The following AFAP1L1 variants were observed in gnomAD, a reference collection of about 807,000 sequenced individuals.
The protein encoded by AFAP1L1 is actin filament associated protein 1 like 1, also known as actin filament-associated protein 1-like 1.
Under a neutral mutation model 99.8 loss-of-function variants are expected in AFAP1L1, and 77 were observed. The observed-to-expected ratio is 0.77, with a 90% CI of 0.64 to 0.93. AFAP1L1 has a LOEUF of 0.93. Ranked by LOEUF, AFAP1L1 falls within the 40% of genes least tolerant of loss-of-function variation. The pLI, the probability that AFAP1L1 is intolerant of heterozygous loss-of-function variation, is 0.00. For missense variants in AFAP1L1, 893 were observed against 996.8 expected (o/e 0.90, Z 1.40); for synonymous variants, 373 against 395.3 (o/e 0.94, Z 0.67).
chr5:149,319,520 A>G (rs942178683), intron 12 of AFAP1L1, 62 bp from the exon 13 acceptor site: 16 of 1,531,500 alleles, frequency 1.0e-5, no homozygotes, highest in African/African-American at 2.8e-5. Context: ...GCTGAAGTCA[A>G]CAGGTCTCCA....
chr5:149,328,283 G>A lies in AFAP1L1; in HGVS notation c.1811-1383G>A, dbSNP rs180767658. ...TAAACTGCAGGAATTATTCTGCACC[G>A]ACTTATATAAAGCTGTGTGCGCCTC... On this transcript the variant is annotated intron_variant, in intron 15 of 18. Transcript: ENST00000296721. Among the ~76,000 whole-genome samples the A allele has an allele frequency of 8.5e-5, 13 of 152,152 alleles. No homozygotes were observed. The East Asian group carries it at 1.2e-3, about 14-fold the overall frequency.
chr5:149,335,751 T>C, intron 18 of AFAP1L1, 29 bp downstream of exon 18: 1 of 1,604,044 alleles, frequency 6.2e-7, no homozygotes, highest in African/African-American at 1.3e-5. Context: ...TCCTCAAAAA[T>C]CAGAGATCTG....
intron 2 of AFAP1L1, 121 bp from the exon 3 acceptor site, chr5:149,300,150 G>A: frequency 1.6e-6 from 1 of 624,694 alleles, no homozygotes; most frequent in South Asian, 2.4e-5. Flanking sequence ...AAATAATTTA[G>A]GACTTGAATG....
intron 1 of AFAP1L1, among the ~76,000 whole-genome samples, chr5:149,281,452 C>T (rs1755517623): frequency 6.6e-6 from 1 of 152,222 alleles, no homozygotes; most frequent in Non-Finnish European, 1.5e-5. Flanking sequence ...CACCACCCTC[C>T]TCAGACTGGG....
At chr5:149,308,953 G>A (rs1756524051) in intron 7 of AFAP1L1, among the ~76,000 whole-genome samples, 2 of 151,352 alleles carry the variant, frequency 1.3e-5, no homozygotes, top group Admixed American at 1.3e-4. Flanking sequence ...AAAAACCAAT[G>A]TTTTTTAATT....
intron 1 of AFAP1L1, among the ~76,000 whole-genome samples, chr5:149,283,493 A>AT (rs1183655629): frequency 6.6e-6 from 1 of 152,214 alleles, no homozygotes; most frequent in Non-Finnish European, 1.5e-5. Flanking sequence ...TATTTCATTG[A>AT]TACAAAGATT....
intron 9 of AFAP1L1, among the ~76,000 whole-genome samples, chr5:149,314,848 A>T (rs1008050134): frequency 5.9e-5 from 9 of 152,206 alleles, no homozygotes; most frequent in African/African-American, 2.2e-4. Context: ...AAGTGGGTGG[A>T]TGTCATTTAA....
At position 149,329,813 on chromosome 5, in the gene AFAP1L1, C is replaced by G; in HGVS notation, c.1958C>G (p.Ala653Gly). The G allele has an allele frequency of 6.2e-7, 1 of 1,611,304 alleles. No homozygotes were observed. Among genetic ancestry groups the G allele is most frequent in the Non-Finnish European group, 8.5e-7 (1 of 1,178,696 alleles). ...LRQEKRELKE[A>G]IRSSPGAKLK... The stretch of plus-strand genomic sequence containing the variant: ...CAGGAGAAGAGGGAACTGAAGGAAG[C>G]CATTCGGAGCAGCCCAGGTACCTAT... Residue 653 changes from alanine to glycine, a missense_variant, in exon 16 of 19, where the codon GCC becomes GGC. By Grantham distance (60) the Ala-to-Gly change is moderately conservative (BLOSUM62 0). Coordinates refer to ENST00000296721, the MANE Select transcript of AFAP1L1 (RefSeq NM_152406.4).
At chr5:149,280,865 C>T (rs756476472) in intron 1 of AFAP1L1, among the ~76,000 whole-genome samples, 58 of 152,202 alleles carry the variant, frequency 3.8e-4, no homozygotes, top group Non-Finnish European at 5.4e-4. Context: ...ATGTGAACTC[C>T]AGCCTCCAAT....
intron 1 of AFAP1L1, among the ~76,000 whole-genome samples, chr5:149,291,547 A>AAAAG (rs1162816490): frequency 1.5e-5 from 2 of 131,446 alleles, no homozygotes; most frequent in South Asian, 2.4e-4. Flanking sequence ...AAAAAAAAAA[A>AAAAG]AAAGAAAGAA....
chr5:149,313,156 C>T (rs1372211066), intron 9 of AFAP1L1, among the ~76,000 whole-genome samples: 3 of 151,542 alleles, frequency 2.0e-5, no homozygotes, highest in African/African-American at 7.3e-5. Context: ...AGGAGCGTGC[C>T]TGTTTGGAAC....
chr5:149,283,484 A>G (rs1449053242), intron 1 of AFAP1L1, among the ~76,000 whole-genome samples: 2 of 152,278 alleles, frequency 1.3e-5, no homozygotes, highest in Admixed American at 6.5e-5. Flanking sequence ...ATGTATTTTT[A>G]TTTCATTGAT....
At chr5:149,295,397 T>C (rs1755984488) in intron 1 of AFAP1L1, among the ~76,000 whole-genome samples, 1 of 152,220 alleles carries the variant, frequency 6.6e-6, no homozygotes, top group East Asian at 1.9e-4. Context: ...AAACTGTTCT[T>C]ACTTTAGAAA....
intron 18 of AFAP1L1, among the ~76,000 whole-genome samples, chr5:149,337,056 C>T (rs1357959535): frequency 6.6e-6 from 1 of 152,106 alleles, no homozygotes; most frequent in Middle Eastern, 3.2e-3. Context: ...TTTCAAGGAA[C>T]AATCTCTTTT....
intron 9 of AFAP1L1, among the ~76,000 whole-genome samples, chr5:149,313,365 T>C (rs1756698350): frequency 6.6e-6 from 1 of 152,224 alleles, no homozygotes; most frequent in Admixed American, 6.5e-5. Flanking sequence ...TTATAGACTG[T>C]GACTGCATGC....
At chr5:149,310,445 A>T (rs1756591009) in intron 8 of AFAP1L1, among the ~76,000 whole-genome samples, 1 of 152,214 alleles carries the variant, frequency 6.6e-6, no homozygotes, top group South Asian at 2.1e-4. Context: ...AAGGAAGCTG[A>T]TTTCATCATT....
intron 5 of AFAP1L1, among the ~76,000 whole-genome samples, chr5:149,304,051 T>C (rs892422692): frequency 6.6e-6 from 1 of 152,200 alleles, no homozygotes; most frequent in African/African-American, 2.4e-5. Context: ...CAGCCCCTGC[T>C]AACCACCAAT....
At chr5:149,306,242 C>G (rs558666565) in intron 5 of AFAP1L1, 64 bp from the exon 6 acceptor site, 31 of 1,418,612 alleles carry the variant, frequency 2.2e-5, no homozygotes, top group Non-Finnish European at 2.5e-5. Flanking sequence ...GGGTCTCCCC[C>G]AGTCCTGGCC....
intron 11 of AFAP1L1, 94 bp downstream of exon 11, chr5:149,316,397 A>T: frequency 6.8e-7 from 1 of 1,471,458 alleles, no homozygotes; most frequent in Admixed American, 1.9e-5. Context: ...CGTCCACCTC[A>T]CCCCCAGGGC....
Sources: gnomAD v4.1 joint callset for allele counts (sites outside exome capture counted in the v4.1 genomes callset) on GRCh38, gnomAD v4.1.1 for gene constraint, MANE v1.5 for transcripts, NCBI Gene and HGNC (gene_info 2026-07-23, HGNC 2026-07-21) for gene names.